The following PHF24 variants were observed in gnomAD, a reference collection of about 807,000 sequenced individuals.
PHF24 encodes the protein PHD finger protein 24, also known as Galpha inhibitory interacting protein.
Under a neutral mutation model 42.6 loss-of-function variants are expected in PHF24, and 25 were observed. The ratio of observed to expected loss-of-function variants is 0.59; its 90% CI spans 0.43 to 0.82. PHF24 has a LOEUF of 0.82. Among genes scored for constraint, PHF24 ranks in the 40% least tolerant of loss-of-function variants. The probability of loss-of-function intolerance (pLI) is 0.00; values close to 1 mark genes in which losing one functional copy is unlikely to be tolerated. For synonymous variants in PHF24, 185 were observed against 204.8 expected (o/e 0.90, Z 0.83); for missense variants, 470 against 538.1 (o/e 0.87, Z 1.25).
the PHF24 span, among the ~76,000 whole-genome samples, chr9:34,926,822 G>T: frequency 2.0e-5 from 3 of 152,150 alleles, no homozygotes. This position sits in a 1 kb window ranked among gnomAD's most constrained non-coding sequence, Gnocchi z 4.3. Flanking sequence ...TTCCTGGCCA[G>T]CCCAGGGCAT....
chr9:34,876,275 AT>A, the PHF24 span, among the ~76,000 whole-genome samples: 1 of 152,224 alleles, frequency 6.6e-6, no homozygotes, highest in Non-Finnish European at 1.5e-5. Context: ...AGATGAACAG[AT>A]AAACTGTGGT....
the PHF24 span, among the ~76,000 whole-genome samples, chr9:34,701,260 T>C: frequency 6.6e-6 from 1 of 151,978 alleles, no homozygotes; most frequent in African/African-American, 2.4e-5. The surrounding 1 kb of genome is among the most constrained non-coding windows in gnomAD (Gnocchi z 5.8). Context: ...GTCAACCAAG[T>C]TCGTGGTGGG....
chr9:34,923,330 G>A, the PHF24 span, among the ~76,000 whole-genome samples: 2 of 152,046 alleles, frequency 1.3e-5, no homozygotes, highest in Non-Finnish European at 2.9e-5. Context: ...TTTTTCTGAT[G>A]TATCTTTGTC....
At chr9:34,769,966 G>T in the PHF24 span, among the ~76,000 whole-genome samples, 1 of 152,134 alleles carries the variant, frequency 6.6e-6, no homozygotes, top group Non-Finnish European at 1.5e-5. Context: ...CATGAAAATA[G>T]TAGAAGAATA....
rs1049422210 is a variant in PHF24, at chr9:34,958,462, C to G, written c.-5+61C>G. On this transcript the variant is annotated intron_variant, in intron 1 of 7. Coordinates refer to ENST00000242315, the Ensembl canonical transcript of PHF24. The surrounding 1 kb of genome is among the most constrained non-coding windows in gnomAD (Gnocchi z 4.5). Reference sequence around the variant, plus strand: ...CACCTGAGGGGCGGGTCTGCGGCCGCGGACAGTCCTCCGGGACTCTGAGGT... The same window carrying G: ...CACCTGAGGGGCGGGTCTGCGGCCGGGGACAGTCCTCCGGGACTCTGAGGT... 3 of 152,034 alleles carry G rather than the reference C, an allele frequency of 2.0e-5. No homozygotes were observed. Among genetic ancestry groups the G allele is most frequent in the African/African-American group, 7.2e-5 (3 of 41,434 alleles). 9.4% of individuals were successfully genotyped at this position (152,034 alleles called of 1,614,324 possible).
At chr9:34,726,707 T>C in the PHF24 span, 4 of 1,551,722 alleles carry the variant, frequency 2.6e-6, no homozygotes, top group Non-Finnish European at 1.7e-6. Context: ...TAAAGATTTC[T>C]GATCTGTTAA....
chr9:34,975,949 G>A (rs1318192619), intron 3 of PHF24, among the ~76,000 whole-genome samples: 1 of 152,058 alleles, frequency 6.6e-6, no homozygotes, highest in East Asian at 1.9e-4. Flanking sequence ...GGTTCTTGGG[G>A]AAGATTCTGC....
At chr9:34,935,151 G>A in the PHF24 span, among the ~76,000 whole-genome samples, 4,446 of 152,260 alleles carry the variant, frequency 0.029, 104 homozygotes, top group African/African-American at 0.056. Context: ...GATCAACTAC[G>A]TTAATGGTAC....
upstream of PHF24, among the ~76,000 whole-genome samples, chr9:34,956,694 G>A (rs978806215): frequency 6.6e-5 from 10 of 152,224 alleles, no homozygotes; most frequent in African/African-American, 2.4e-4. Flanking sequence ...AAGTCTATCT[G>A]TGAAACTGTC....
the PHF24 span, among the ~76,000 whole-genome samples, chr9:34,932,182 C>T: frequency 6.6e-6 from 1 of 152,170 alleles, no homozygotes; most frequent in African/African-American, 2.4e-5. Flanking sequence ...CTTTTTTCAA[C>T]ATAGCCAATA....
the PHF24 span, chr9:34,665,798 T>C: frequency 1.6e-6 from 1 of 637,142 alleles, no homozygotes; most frequent in Non-Finnish European, 2.8e-6. Context: ...CCGAGAAGCC[T>C]CAGTTGCCAC....
At chr9:34,729,316 A>C in the PHF24 span, 5 of 1,552,052 alleles carry the variant, frequency 3.2e-6, no homozygotes, top group African/African-American at 1.4e-5. Flanking sequence ...TCTGAACTCA[A>C]TTCATGGTGG....
chr9:34,679,837 G>C, the PHF24 span, among the ~76,000 whole-genome samples: 1 of 152,208 alleles, frequency 6.6e-6, no homozygotes, highest in Non-Finnish European at 1.5e-5. Flanking sequence ...AGAGGGCTCT[G>C]AGCCTCAGAT....
chr9:34,725,887 A>G, the PHF24 span: 1 of 1,552,158 alleles, frequency 6.4e-7, no homozygotes, highest in Non-Finnish European at 8.7e-7. Flanking sequence ...GGAGGCCTTG[A>G]GATCCCATGA....
chr9:34,952,102 C>G, the PHF24 span, among the ~76,000 whole-genome samples: 3 of 152,192 alleles, frequency 2.0e-5, no homozygotes, highest in Admixed American at 6.5e-5. Context: ...AAAATAGTCT[C>G]TATTCACAGA....
At chr9:34,704,083 T>C in the PHF24 span, among the ~76,000 whole-genome samples, 1 of 151,950 alleles carries the variant, frequency 6.6e-6, no homozygotes, top group Admixed American at 6.6e-5. Flanking sequence ...TGATCAGCTA[T>C]GGTGTGATCA....
chr9:34,863,479 G>A, the PHF24 span, among the ~76,000 whole-genome samples: 1 of 151,942 alleles, frequency 6.6e-6, no homozygotes, highest in Admixed American at 6.6e-5. Flanking sequence ...GAAAGTAAGG[G>A]AAGAGAACAA....
At chr9:34,939,981 C>T in the PHF24 span, among the ~76,000 whole-genome samples, 1 of 152,112 alleles carries the variant, frequency 6.6e-6, no homozygotes, top group Non-Finnish European at 1.5e-5. Flanking sequence ...GTTCCAGCTC[C>T]CTTTCTAGCC....
At chr9:34,836,044 C>A in the PHF24 span, 1 of 621,678 alleles carries the variant, frequency 1.6e-6, no homozygotes, top group Non-Finnish European at 3.1e-6. Context: ...TGGGGGAAGC[C>A]AGCCCTGGCT....
Sources: gnomAD v4.1 joint callset for allele counts (sites outside exome capture counted in the v4.1 genomes callset) on GRCh38, gnomAD v4.1.1 for gene constraint, Gnocchi (gnomAD v3.1) non-coding constraint, MANE v1.5 for transcripts, NCBI Gene and HGNC (gene_info 2026-07-23, HGNC 2026-07-21) for gene names.